The following CAP2 variants were observed in gnomAD, a reference collection of about 807,000 sequenced individuals.
The protein encoded by CAP2 is adenylyl cyclase-associated protein 2.
In CAP2, 24 loss-of-function variants were observed where a neutral mutation model predicts 57.7. The ratio of observed to expected loss-of-function variants is 0.42; its 90% confidence interval spans 0.30 to 0.58. CAP2 has a LOEUF of 0.58. Among genes scored for constraint, CAP2 ranks in the 20% least tolerant of loss-of-function variants. The pLI is 0.22. For missense variants in CAP2, 501 were observed against 590.3 expected, an observed-to-expected ratio of 0.85 and a Z score of 1.57; for synonymous variants, 194 against 207.2, an observed-to-expected ratio of 0.94 and a Z score of 0.55.
chr6:17,547,460 A>T (rs1763071399), intron 11 of CAP2, among the ~76,000 whole-genome samples: 2 of 152,180 alleles, frequency 1.3e-5, no homozygotes, highest in Non-Finnish European at 2.9e-5. Flanking sequence ...ATGAAGACGC[A>T]TAGAAAAAAA....
chr6:17,504,962 T>C (rs1761939606), intron 4 of CAP2, among the ~76,000 whole-genome samples: 1 of 152,226 alleles, frequency 6.6e-6, no homozygotes, highest in South Asian at 2.1e-4. Flanking sequence ...GCTTCTCATA[T>C]CTTGAATGCA....
chr6:17,540,810 A>G (rs1174268551), intron 8 of CAP2, among the ~76,000 whole-genome samples, 163 bp from the exon 9 acceptor site: 1 of 152,238 alleles, frequency 6.6e-6, no homozygotes, highest in African/African-American at 2.4e-5. Context: ...CAACTTGTAC[A>G]GGACTCAGCT....
intron 3 of CAP2, among the ~76,000 whole-genome samples, chr6:17,442,571 T>C (rs1211471936): frequency 6.6e-6 from 1 of 152,162 alleles, no homozygotes; most frequent in African/African-American, 2.4e-5. Context: ...GGCATGTATC[T>C]ACAGCTCAGT....
At chr6:17,492,554 G>C (rs1203853396) in intron 4 of CAP2, among the ~76,000 whole-genome samples, 1 of 152,176 alleles carries the variant, frequency 6.6e-6, no homozygotes, top group Non-Finnish European at 1.5e-5. Context: ...AGGTCAGCCA[G>C]TTGGGGGGAA....
intron 4 of CAP2, among the ~76,000 whole-genome samples, chr6:17,471,713 C>G (rs868631533): frequency 1.3e-5 from 2 of 151,340 alleles, no homozygotes; most frequent in Non-Finnish European, 3.0e-5. Flanking sequence ...TGCCTGTAGT[C>G]CCAGCTACTC....
At chr6:17,493,042 A>AT (rs1761581726) in intron 4 of CAP2, among the ~76,000 whole-genome samples, 1 of 152,180 alleles carries the variant, frequency 6.6e-6, no homozygotes, top group Non-Finnish European at 1.5e-5. Flanking sequence ...ATATCTGATC[A>AT]TTTTCTTCAC....
intron 7 of CAP2, among the ~76,000 whole-genome samples, chr6:17,535,015 A>C (rs1561819334): frequency 6.6e-6 from 1 of 152,144 alleles, no homozygotes; most frequent in Non-Finnish European, 1.5e-5. Context: ...CAAAACCAGC[A>C]TCCAGGGTGA....
At chr6:17,555,880 T>G (rs1435005201) in intron 12 of CAP2, among the ~76,000 whole-genome samples, 1 of 152,190 alleles carries the variant, frequency 6.6e-6, no homozygotes, top group Admixed American at 6.5e-5. Flanking sequence ...ATCTGCATTT[T>G]CATAAGATCC....
chr6:17,444,748 A>G lies in CAP2; in HGVS notation c.222+18058A>G, dbSNP rs182514711. Among the ~76,000 whole-genome samples, 671 of 151,610 alleles carry G rather than the reference A, an allele frequency of 4.4e-3. 5 individuals carry two copies. The highest frequency in any genetic ancestry group is 8.4e-3 in the Non-Finnish European group (571 of 67,918). On this transcript the variant is annotated intron_variant, in intron 3 of 12. Coordinates refer to ENST00000229922, the MANE Select transcript of CAP2 (RefSeq NM_006366.3). The stretch of plus-strand genomic sequence containing the variant: ...TATCAACACCTGTGAAAAGAAGGGG[A>G]AAAATACGTAGACTATTAGATTGCC...
intron 4 of CAP2, among the ~76,000 whole-genome samples, chr6:17,496,148 G>T (rs895674014): frequency 6.6e-6 from 1 of 151,846 alleles, no homozygotes; most frequent in Admixed American, 6.6e-5. Context: ...TACACAGTGA[G>T]CAGCCCAGCA....
At chr6:17,435,728 A>AC (rs1759861826) in intron 3 of CAP2, among the ~76,000 whole-genome samples, 1 of 141,910 alleles carries the variant, frequency 7.0e-6, no homozygotes, top group South Asian at 2.1e-4. Context: ...AAAAAAAAAA[A>AC]AAAACAAAAA....
In CAP2 at chr6:17,409,241, A is replaced by G. The variant is rs187042784; in HGVS notation, c.-1-12314A>G. ...ACAAAAATTCACCAGGTGTGGTGGC[A>G]GGCACCTATAATCCCAGCTACTCGG... is the stretch of plus-strand genomic sequence containing the variant. On this transcript the variant is annotated intron_variant, in intron 1 of 12. Coordinates refer to ENST00000229922, the MANE Select transcript of CAP2 (RefSeq NM_006366.3). 2.7e-3 allele frequency among the ~76,000 whole-genome samples: 412 copies of G among 151,864 alleles called. 1 individual carries two copies. The highest frequency in any genetic ancestry group is 8.7e-3 in the African/African-American group (360 of 41,462).
intron 11 of CAP2, among the ~76,000 whole-genome samples, chr6:17,550,593 G>C (rs1266696321): frequency 6.6e-6 from 1 of 151,994 alleles, no homozygotes; most frequent in Admixed American, 6.6e-5. Flanking sequence ...GGTGAAAGAA[G>C]AGATGTCTTT....
At chr6:17,547,350 T>C (rs1763069977) in intron 11 of CAP2, among the ~76,000 whole-genome samples, 1 of 151,690 alleles carries the variant, frequency 6.6e-6, no homozygotes, top group Non-Finnish European at 1.5e-5. Flanking sequence ...TCAGAAGAGA[T>C]ATACTACATT....
intron 7 of CAP2, among the ~76,000 whole-genome samples, chr6:17,522,956 G>A (rs575393493): frequency 6.6e-6 from 1 of 152,224 alleles, no homozygotes; most frequent in South Asian, 2.1e-4. Context: ...CACCATGCCT[G>A]GCTGATACCT....
chr6:17,442,543 T>A (rs1245770191), intron 3 of CAP2, among the ~76,000 whole-genome samples: 1 of 152,134 alleles, frequency 6.6e-6, no homozygotes, highest in African/African-American at 2.4e-5. Context: ...TGCATGATAT[T>A]CCTCTGTGGA....
At chr6:17,525,609 T>C (rs1346608849) in intron 7 of CAP2, among the ~76,000 whole-genome samples, 1 of 152,242 alleles carries the variant, frequency 6.6e-6, no homozygotes, top group Admixed American at 6.6e-5. Flanking sequence ...TTGCTTAGCA[T>C]TTCCTACCTT....
At chr6:17,407,778 C>CAAAAAA (rs60480016) in intron 1 of CAP2, among the ~76,000 whole-genome samples, 1 of 69,350 alleles carries the variant, frequency 1.4e-5, no homozygotes, top group Non-Finnish European at 2.8e-5. Flanking sequence ...GACTCGGTCT[C>CAAAAAA]AAAAAAAAAA....
chr6:17,482,507 CAAAAAAA>C (rs60053497), intron 4 of CAP2, among the ~76,000 whole-genome samples: 3 of 70,796 alleles, frequency 4.2e-5, no homozygotes, highest in East Asian at 4.4e-4. Context: ...GACTCCATCT[CAAAAAAA>C]AAAAAAAAAA....
Sources: allele counts gnomAD v4.1 joint callset (sites outside exome capture counted in the v4.1 genomes callset), GRCh38; gene constraint gnomAD v4.1.1; transcripts MANE v1.5; gene names NCBI Gene and HGNC (gene_info 2026-07-23, HGNC 2026-07-21).